Variants in IFT57 observed in about 807,000 individuals in gnomAD.
IFT57 encodes the protein intraflagellar transport protein 57 homolog.
IFT57 carries 59 observed loss-of-function variants against 56.8 expected under a neutral mutation model. The observed-to-expected ratio is 1.04, with a 90% confidence interval of 0.84 to 1.29. The LOEUF (loss-of-function observed/expected upper bound fraction) is 1.29. Ranked by LOEUF, IFT57 falls within the 50% of genes most tolerant of loss-of-function variation. The probability of loss-of-function intolerance (pLI) is 0.00; values close to 1 mark genes in which losing one functional copy is unlikely to be tolerated. For synonymous variants in IFT57, 209 were observed against 186.1 expected (o/e 1.12, Z -1.00); for missense variants, 470 against 522.1 (o/e 0.90, Z 0.97).
intron 5 of IFT57, among the ~76,000 whole-genome samples, chr3:108,193,791 T>C (rs529985717): frequency 2.0e-5 from 3 of 152,194 alleles, no homozygotes; most frequent in African/African-American, 7.2e-5. Context: ...TTCTCTGCCA[T>C]GTAAATCCAC....
At chr3:108,168,627 C>A (rs999164675) in intron 6 of IFT57, among the ~76,000 whole-genome samples, 1 of 151,942 alleles carries the variant, frequency 6.6e-6, no homozygotes, top group Non-Finnish European at 1.5e-5. Flanking sequence ...GGTATTTGTC[C>A]TACTGCTCTC....
intron 6 of IFT57, among the ~76,000 whole-genome samples, chr3:108,181,003 A>T (rs1222759366): frequency 1.3e-5 from 2 of 152,000 alleles, no homozygotes; most frequent in Non-Finnish European, 2.9e-5. Context: ...TATAACATGA[A>T]GTCTATTGGT....
At chr3:108,178,701 A>G (rs1179097108) in intron 6 of IFT57, among the ~76,000 whole-genome samples, 1 of 151,930 alleles carries the variant, frequency 6.6e-6, no homozygotes, top group Non-Finnish European at 1.5e-5. Flanking sequence ...ATCATAACAT[A>G]CCTACCACAA....
At chr3:108,178,756 GAT>G (rs1309612696) in intron 6 of IFT57, among the ~76,000 whole-genome samples, 1 of 151,740 alleles carries the variant, frequency 6.6e-6, no homozygotes, top group Non-Finnish European at 1.5e-5. Context: ...TGTTGACAAA[GAT>G]ATGAAGCAAT....
chr3:108,216,534 A>C (rs1214294577), intron 3 of IFT57, among the ~76,000 whole-genome samples: 1 of 152,178 alleles, frequency 6.6e-6, no homozygotes, highest in East Asian at 1.9e-4. Context: ...TAGGTATGTA[A>C]ATTATTAGTA....
chr3:108,191,564 C>G lies in IFT57; in HGVS notation c.734G>C (p.Arg245Pro), dbSNP rs754712026. The G allele has an allele frequency of 1.2e-6, 2 of 1,608,338 alleles. No homozygotes were observed. Among genetic ancestry groups the G allele is most frequent in the Non-Finnish European group, 1.7e-6 (2 of 1,176,298 alleles). The change falls in exon 6 of 11, where the codon CGT (arginine) becomes CCT (proline). Residue 245 changes from arginine (R) to proline (P), a missense_variant. By Grantham distance (103) the Arg-to-Pro change is moderately radical. Transcript: ENST00000264538. ...DAAEWSLEVE[R>P]VLPQLKVTIR... The stretch of plus-strand genomic sequence containing the variant: ...CGTGACTTTCAGTTGCGGTAGTACA[C>G]GTTCCACTTCTAGGCTCCATTCTGC...
rs144800221 is a variant in IFT57, at chr3:108,161,301, C to CACTA, written c.*1175_*1176insTAGT. On this transcript the variant is annotated 3_prime_UTR_variant, in exon 11 of 11. Coordinates refer to ENST00000264538, the MANE Select transcript of IFT57 (RefSeq NM_018010.4). The stretch of plus-strand genomic sequence containing the variant: ...GTCATCCTTTCAGGTAGTTTACATA[C>CACTA]ACTTTCTCCTGTCTAAACTTATCTT... The CACTA allele has an allele frequency of 5.6e-3, 701 of 125,476 alleles. 3 individuals are homozygous for CACTA. The highest frequency in any genetic ancestry group is 0.019 in the African/African-American group (664 of 35,294). 7.8% of individuals were successfully genotyped at this position (125,476 alleles called of 1,614,324 possible).
intron 6 of IFT57, among the ~76,000 whole-genome samples, chr3:108,173,882 A>C (rs2080109224): frequency 6.7e-6 from 1 of 150,292 alleles, no homozygotes. Context: ...AAAAATATTT[A>C]ATGAACAGCA....
intron 5 of IFT57, among the ~76,000 whole-genome samples, chr3:108,193,780 G>A (rs1011683914): frequency 1.3e-5 from 2 of 152,136 alleles, no homozygotes; most frequent in Admixed American, 1.3e-4. Context: ...AATAGGGAAG[G>A]TTCTCTGCCA....
At chr3:108,188,861 T>C (rs2080199209) in intron 6 of IFT57, among the ~76,000 whole-genome samples, 1 of 152,212 alleles carries the variant, frequency 6.6e-6, no homozygotes, top group South Asian at 2.1e-4. Context: ...CAAAAATCAA[T>C]AACCGCAATC....
chr3:108,203,731 A>T (rs1196825058), intron 5 of IFT57, among the ~76,000 whole-genome samples: 1 of 152,250 alleles, frequency 6.6e-6, no homozygotes, highest in African/African-American at 2.4e-5. Flanking sequence ...TGGAGTTTGC[A>T]TTCCAGTGGT....
chr3:108,175,191 T>C (rs1226575811), intron 6 of IFT57, among the ~76,000 whole-genome samples: 1 of 151,850 alleles, frequency 6.6e-6, no homozygotes, highest in Non-Finnish European at 1.5e-5. Context: ...TAAAGTGCTC[T>C]AACGTGTTCA....
Position 108,167,840 on chromosome 3 carries a change from T to C in IFT57, c.802A>G (p.Met268Val), listed in dbSNP as rs1484544299. Residue 268 changes from methionine (M) to valine (V), a missense_variant, in exon 7 of 11, where the codon ATG becomes GTG. Transcript: ENST00000264538. ...TCAATTCCACTTCTGTGCTGGTGCA[T>C]TTGGTCAACATGGATTCTCCAATCC... ...NKDWRIHVDQ[M>V]HQHRSGIESA... 5.6e-6 allele frequency: 9 copies of C among 1,593,486 alleles called. No individual in the cohort carries two copies. Among genetic ancestry groups the C allele is most frequent in the Non-Finnish European group, 7.7e-6 (9 of 1,170,474 alleles).
At chr3:108,220,210 A>C (rs1219259657) in intron 1 of IFT57, among the ~76,000 whole-genome samples, 1 of 152,224 alleles carries the variant, frequency 6.6e-6, no homozygotes, top group Non-Finnish European at 1.5e-5. Context: ...ATGTCACATC[A>C]CCAGTCAAAC....
At chr3:108,168,491 ATTTTAC>A (rs1264954242) in intron 6 of IFT57, among the ~76,000 whole-genome samples, 1 of 151,964 alleles carries the variant, frequency 6.6e-6, no homozygotes, top group African/African-American at 2.4e-5. Flanking sequence ...TTTTTATTTT[ATTTTAC>A]TTTAAGTTCT....
chr3:108,187,961 T>C (rs1354262761), intron 6 of IFT57, among the ~76,000 whole-genome samples: 2 of 152,008 alleles, frequency 1.3e-5, no homozygotes, highest in East Asian at 1.9e-4. Context: ...TTTTATACTT[T>C]AAGTTTCAGG....
At chr3:108,220,581 A>C (rs1479709468) in intron 1 of IFT57, among the ~76,000 whole-genome samples, 1 of 152,212 alleles carries the variant, frequency 6.6e-6, no homozygotes, top group Admixed American at 6.5e-5. Context: ...CCCACCAAAA[A>C]GTCATCTTTT....
At chr3:108,199,428 C>T (rs553379999) in intron 5 of IFT57, among the ~76,000 whole-genome samples, 6 of 152,120 alleles carry the variant, frequency 3.9e-5, no homozygotes, top group East Asian at 3.9e-4. Context: ...GTGAGGAAAA[C>T]GGCATAAGCC....
At chr3:108,166,232 T>C (rs996721201) in intron 8 of IFT57, among the ~76,000 whole-genome samples, 1 of 152,072 alleles carries the variant, frequency 6.6e-6, no homozygotes, top group Non-Finnish European at 1.5e-5. Flanking sequence ...TTACTAGCCT[T>C]CTTTAACATC....
Sources: gnomAD v4.1 joint callset for allele counts (sites outside exome capture counted in the v4.1 genomes callset) on GRCh38, gnomAD v4.1.1 for gene constraint, MANE v1.5 for transcripts, NCBI Gene and HGNC (gene_info 2026-07-23, HGNC 2026-07-21) for gene names.